Variants in LUZP2 observed in about 807,000 individuals in gnomAD.
LUZP2 encodes the protein leucine zipper protein 2.
In LUZP2, 52 loss-of-function variants were observed where a neutral mutation model predicts 51.6. The ratio of observed to expected loss-of-function variants is 1.01; its 90% confidence interval spans 0.81 to 1.27. The LOEUF is 1.27. Ranked by LOEUF, LUZP2 falls within the 50% of genes most tolerant of loss-of-function variation. The probability of loss-of-function intolerance (pLI) is 0.00; values close to 1 mark genes in which losing one functional copy is unlikely to be tolerated. For synonymous variants in LUZP2, 154 were observed against 137.3 expected (o/e 1.12, Z -0.85); for missense variants, 436 against 395.4 (o/e 1.10, Z -0.87).
At position 24,763,450 on chromosome 11, in the gene LUZP2, G is replaced by A. The variant is rs1389379458; in HGVS notation, c.396+142G>A. 2.1e-5 allele frequency: 8 copies of A among 382,128 alleles called. No individual in the cohort carries two copies. The East Asian group carries it at 2.4e-4, about 11-fold the overall frequency. The allele number at this position is 382,128 out of a possible 1,614,324, so 23.7% of individuals were successfully genotyped here. A position where few individuals can be genotyped will look rare whatever the true frequency, so the allele number is the denominator to read the frequency against. On this transcript the variant is annotated intron_variant, in intron 5 of 11. Coordinates refer to ENST00000336930, the MANE Select transcript of LUZP2 (RefSeq NM_001009909.4). Reference sequence around the variant, plus strand: ...ATAAACTAATGTAGAGAAATTGTAAGGTGAAGAATTTCAAAAAGTAGATAA... The same window carrying A: ...ATAAACTAATGTAGAGAAATTGTAAAGTGAAGAATTTCAAAAAGTAGATAA...
intron 6 of LUZP2, among the ~76,000 whole-genome samples, chr11:24,910,774 A>T (rs1408235205): frequency 6.6e-6 from 1 of 152,188 alleles, no homozygotes; most frequent in Non-Finnish European, 1.5e-5. Flanking sequence ...AGTTCTACAC[A>T]GAGTCACCAC....
chr11:24,755,961 C>G (rs900382194), intron 4 of LUZP2, among the ~76,000 whole-genome samples: 1 of 152,122 alleles, frequency 6.6e-6, no homozygotes, highest in Non-Finnish European at 1.5e-5. Context: ...AACTGCGAGC[C>G]TGGCACATTT....
rs1006872798 is a variant in LUZP2 at position 25,033,547 on chromosome 11, A to G, written c.766-16491A>G. ...CTGGGTAGTGAGCACAGTACCTAAT[A>G]GGTAGTTTTTGAACACAACCTTCTC... On this transcript the variant is annotated intron_variant, in intron 9 of 11. Coordinates refer to ENST00000336930, the MANE Select transcript of LUZP2 (RefSeq NM_001009909.4). 6.1e-4 allele frequency among the ~76,000 whole-genome samples: 93 copies of G among 152,158 alleles called. 1 individual carries two copies. The highest frequency in any genetic ancestry group is 2.2e-3 in the African/African-American group (90 of 41,456).
chr11:25,049,950 C>A (rs941810508), intron 9 of LUZP2, 88 bp from the exon 10 acceptor site: 2 of 632,670 alleles, frequency 3.2e-6, no homozygotes, highest in African/African-American at 1.9e-5. Context: ...TCATGTGTTA[C>A]AATAAAACGA....
rs1851746977 is a variant in LUZP2 at position 24,861,683 on chromosome 11, G to A, written c.397-44308G>A. Among the ~76,000 whole-genome samples the A allele has an allele frequency of 2.0e-5, 3 of 152,196 alleles. No individual in the cohort carries two copies. The South Asian group carries it at 6.2e-4, about 32-fold the overall frequency. ...GAAGAATGAGCAGTCCCAAACAGCT[G>A]GAGCTGCTTGCTTTTATTCAGTACA... On this transcript the variant is annotated intron_variant, in intron 5 of 11. Coordinates refer to ENST00000336930, the MANE Select transcript of LUZP2 (RefSeq NM_001009909.4).
intron 9 of LUZP2, among the ~76,000 whole-genome samples, chr11:25,010,573 G>T (rs561043248): frequency 2.0e-5 from 3 of 150,798 alleles, no homozygotes; most frequent in South Asian, 4.2e-4. Flanking sequence ...AAGGCCGGGA[G>T]TGGTGGCTCA....
chr11:24,709,115 T>C (rs1857724682), intron 1 of LUZP2, among the ~76,000 whole-genome samples: 1 of 152,180 alleles, frequency 6.6e-6, no homozygotes, highest in Admixed American at 6.5e-5. Context: ...CTATTTGTGA[T>C]AGAGAATAAA....
chr11:24,879,651 G>A (rs887437412), intron 5 of LUZP2, among the ~76,000 whole-genome samples: 3 of 151,966 alleles, frequency 2.0e-5, no homozygotes, highest in Non-Finnish European at 2.9e-5. Context: ...GTTTTGATTC[G>A]CATTTCTCTA....
intron 9 of LUZP2, among the ~76,000 whole-genome samples, chr11:25,045,349 C>T (rs1400421390): frequency 6.6e-6 from 1 of 150,874 alleles, no homozygotes; most frequent in African/African-American, 2.4e-5. Context: ...CAAGGACAGC[C>T]TTTCATTAAT....
intron 1 of LUZP2, among the ~76,000 whole-genome samples, chr11:24,667,939 C>T (rs1345253798): frequency 6.6e-6 from 1 of 152,050 alleles, no homozygotes; most frequent in Non-Finnish European, 1.5e-5. Context: ...AGATATTTTC[C>T]TCTTGGAGTT....
chr11:24,976,712 A>G (rs760857076), intron 8 of LUZP2, 47 bp downstream of exon 8: 2 of 501,896 alleles, frequency 4.0e-6, no homozygotes, highest in South Asian at 6.8e-5. Flanking sequence ...TTAGCAAAAA[A>G]AAAAAAAAAA....
At chr11:24,602,034 GTATATC>G (rs1446076375) in intron 1 of LUZP2, among the ~76,000 whole-genome samples, 24 of 141,866 alleles carry the variant, frequency 1.7e-4, no homozygotes, top group Admixed American at 2.9e-4. Context: ...GTGTATATAT[GTATATC>G]TGTATATATG....
At chr11:24,512,085 C>T (rs1400715623) in intron 1 of LUZP2, among the ~76,000 whole-genome samples, 1 of 152,000 alleles carries the variant, frequency 6.6e-6, no homozygotes, top group Non-Finnish European at 1.5e-5. Flanking sequence ...GAGAGGGATG[C>T]CATGATTATG....
chr11:24,601,411 A>G (rs117837419), intron 1 of LUZP2, among the ~76,000 whole-genome samples: 5,392 of 152,056 alleles, frequency 0.035, 121 homozygotes, highest in Middle Eastern at 0.065. Flanking sequence ...TTTTTTAGGC[A>G]GAATTAGAAA....
chr11:24,613,111 CA>C (rs375128494), intron 1 of LUZP2, among the ~76,000 whole-genome samples: 4 of 152,092 alleles, frequency 2.6e-5, no homozygotes, highest in African/African-American at 9.6e-5. Flanking sequence ...TTCCTAAAAC[CA>C]AAAAACAGCT....
At chr11:24,510,706 T>C (rs1230677759) in intron 1 of LUZP2, among the ~76,000 whole-genome samples, 3 of 152,200 alleles carry the variant, frequency 2.0e-5, no homozygotes, top group Non-Finnish European at 4.4e-5. Flanking sequence ...TTTGTGACTA[T>C]GTTCATATAA....
rs1590908460 is a variant in LUZP2, at chr11:25,081,951, A to G, written c.*3293A>G. 1.3e-5 allele frequency: 2 copies of G among 152,144 alleles called. No individual in the cohort carries two copies. Among genetic ancestry groups the G allele is most frequent in the Non-Finnish European group, 2.9e-5 (2 of 68,006 alleles). 9.4% of individuals were successfully genotyped at this position (152,144 alleles called of 1,614,324 possible). A position where few individuals can be genotyped will look rare whatever the true frequency, so the allele number is the denominator to read the frequency against. On this transcript the variant is annotated 3_prime_UTR_variant, in exon 12 of 12. Transcript: ENST00000336930. The stretch of plus-strand genomic sequence containing the variant: ...GTAATCAATGCTATGTATTTGATGT[A>G]TATGTTTCTAAATTAGAAATTTCTT...
intron 5 of LUZP2, chr11:24,785,795 C>T (rs1564889517): frequency 1.1e-6 from 1 of 877,630 alleles, no homozygotes. Flanking sequence ...AGCATTTAGC[C>T]CACACTTCTC....
chr11:24,869,296 A>G (rs1172161256), intron 5 of LUZP2, among the ~76,000 whole-genome samples: 2 of 152,160 alleles, frequency 1.3e-5, no homozygotes, highest in African/African-American at 4.8e-5. Context: ...CTTAGCTTCA[A>G]TGAGCTTCAC....
Sources: allele counts gnomAD v4.1 joint callset (sites outside exome capture counted in the v4.1 genomes callset), GRCh38; gene constraint gnomAD v4.1.1; transcripts MANE v1.5; gene names NCBI Gene and HGNC (gene_info 2026-07-23, HGNC 2026-07-21).